SULF2: variants seen among roughly 807,000 people sequenced by gnomAD.
SULF2 encodes sulfatase 2.
Under a neutral mutation model 107.7 loss-of-function variants are expected in SULF2, and 52 were observed. The observed-to-expected ratio is 0.48, with a 90% CI of 0.39 to 0.61. The LOEUF (loss-of-function observed/expected upper bound fraction) is 0.61, where lower values mean the gene tolerates loss of function less well. Among genes scored for constraint, SULF2 ranks in the 20% least tolerant of loss-of-function variants. The pLI, the probability that SULF2 is intolerant of heterozygous loss-of-function variation, is 0.00. For synonymous variants in SULF2, 460 were observed against 464.3 expected, an observed-to-expected ratio of 0.99 and a Z score of 0.12; for missense variants, 993 against 1,177.3, an observed-to-expected ratio of 0.84 and a Z score of 2.29.
At chr20:47,701,112 G>C (rs1301823687) in intron 4 of SULF2, among the ~76,000 whole-genome samples, 2 of 152,202 alleles carry the variant, frequency 1.3e-5, no homozygotes, top group Admixed American at 1.3e-4. Context: ...ATGAGTTGTT[G>C]AATGAATAAA....
At position 47,658,301 on chromosome 20, in the gene SULF2, T is replaced by G; in HGVS notation, c.*61A>C. Reference sequence around the variant, plus strand: ...CTGCTGGAAATCACCCACATGGTTTTTCATTGCCTGTGCAGTCAGGTGATG... The same window carrying G: ...CTGCTGGAAATCACCCACATGGTTTGTCATTGCCTGTGCAGTCAGGTGATG... On this transcript the variant is annotated 3_prime_UTR_variant, in exon 21 of 21. Coordinates refer to ENST00000688720, the MANE Select transcript of SULF2 (RefSeq NM_001387048.1). 6.3e-7 allele frequency: 1 copy of G among 1,583,458 alleles called. No homozygotes were observed. Among genetic ancestry groups the G allele is most frequent in the South Asian group, 1.1e-5 (1 of 90,456 alleles).
chr20:47,726,670 C>T (rs2089451826), intron 3 of SULF2, among the ~76,000 whole-genome samples: 1 of 152,202 alleles, frequency 6.6e-6, no homozygotes, highest in Admixed American at 6.5e-5. Context: ...TTAAATAGCT[C>T]CCTGTGGCTA....
At chr20:47,668,300 A>G (rs1404921603) in intron 11 of SULF2, among the ~76,000 whole-genome samples, 1 of 152,252 alleles carries the variant, frequency 6.6e-6, no homozygotes, top group Admixed American at 6.5e-5. Flanking sequence ...CACTGGGTAC[A>G]GCTGCTCGCA....
chr20:47,676,143 C>G (rs1360673673), intron 10 of SULF2, among the ~76,000 whole-genome samples: 1 of 152,186 alleles, frequency 6.6e-6, no homozygotes, highest in Non-Finnish European at 1.5e-5. Flanking sequence ...AAACCAGTCA[C>G]AAAGAGGATA....
intron 1 of SULF2, among the ~76,000 whole-genome samples, chr20:47,782,687 G>A (rs1416470775): frequency 6.6e-6 from 1 of 152,174 alleles, no homozygotes; most frequent in Non-Finnish European, 1.5e-5. Context: ...TTTTCCATCA[G>A]CTGCATTTGA....
At chr20:47,728,113 G>A (rs1311508168) in intron 3 of SULF2, among the ~76,000 whole-genome samples, 2 of 152,160 alleles carry the variant, frequency 1.3e-5, no homozygotes, top group East Asian at 1.9e-4. Flanking sequence ...TACACTCCAC[G>A]GGGTGAATGG....
At chr20:47,725,611 A>G (rs983372901) in intron 3 of SULF2, among the ~76,000 whole-genome samples, 5 of 152,338 alleles carry the variant, frequency 3.3e-5, no homozygotes, top group African/African-American at 9.6e-5. Context: ...TGGCCTGCAG[A>G]CCAATCCATC....
chr20:47,785,808 G>C (rs1457718047), upstream of SULF2: 1 of 150,508 alleles, frequency 6.6e-6, no homozygotes, highest in Non-Finnish European at 1.5e-5. Context: ...TGCCCTCCTC[G>C]AGCCCTCCGC....
rs1475013023 is a variant in SULF2 at position 47,751,077 on chromosome 20, C to T, written c.175+6112G>A. 2.6e-5 allele frequency among the ~76,000 whole-genome samples: 4 copies of T among 152,156 alleles called. No homozygotes were observed. The East Asian group carries it at 7.7e-4, about 29-fold the overall frequency. On this transcript the variant is annotated intron_variant, in intron 2 of 20. Coordinates refer to ENST00000688720, the MANE Select transcript of SULF2 (RefSeq NM_001387048.1). Reference sequence around the variant, plus strand: ...ATAGATTCGATGTGTCTTGTTAACTCTTGCATTAGAATGTAAGCTCTGTTT... The same window carrying T: ...ATAGATTCGATGTGTCTTGTTAACTTTTGCATTAGAATGTAAGCTCTGTTT...
chr20:47,761,144 G>A (rs1479082765), intron 1 of SULF2, among the ~76,000 whole-genome samples: 9 of 152,186 alleles, frequency 5.9e-5, no homozygotes, highest in Non-Finnish European at 1.0e-4. Context: ...CGCTGCAGCT[G>A]TCCTGCGTCA....
chr20:47,770,053 GTTTTT>G (rs56786760), intron 1 of SULF2, among the ~76,000 whole-genome samples: 2,839 of 63,158 alleles, frequency 0.045, 136 homozygotes, highest in African/African-American at 0.18. Flanking sequence ...ATCTGGTGTA[GTTTTT>G]TTTTTTTTTT....
intron 11 of SULF2, among the ~76,000 whole-genome samples, chr20:47,669,514 C>T (rs573954547): frequency 1.8e-4 from 27 of 152,372 alleles, no homozygotes; most frequent in Non-Finnish European, 3.5e-4. Flanking sequence ...TGCCAAGTGT[C>T]CCCTGGGGGA....
rs748134604 is a variant in SULF2, at chr20:47,757,346, G to A, written c.18C>T (p.Leu6=). Residue 6 remains leucine (L), a synonymous_variant, in exon 2 of 21, where the codon CTC becomes CTT. Coordinates refer to ENST00000688720, the MANE Select transcript of SULF2 (RefSeq NM_001387048.1). Reference sequence around the variant, plus strand: ...CAGTTGCGGACAGCAAGCACAGCACGAGGCTCGGGGGGCCCATCTTCTTTT... The same window carrying A: ...CAGTTGCGGACAGCAAGCACAGCACAAGGCTCGGGGGGCCCATCTTCTTTT... MGPPS[L]VLCLLSATVF... 5.0e-6 allele frequency: 8 copies of A among 1,594,252 alleles called. No homozygotes were observed. The highest frequency in any genetic ancestry group is 2.3e-5 in the East Asian group (1 of 44,256).
At position 47,753,101 on chromosome 20, in the gene SULF2, A is replaced by AC. The variant is rs1300602947; in HGVS notation, c.175+4087_175+4088insG. 8.2e-3 allele frequency among the ~76,000 whole-genome samples: 495 copies of AC among 60,608 alleles called. 2 individuals carry two copies. Among genetic ancestry groups the AC allele is most frequent in the African/African-American group, 0.018 (464 of 25,222 alleles). 39.8% of individuals were successfully genotyped at this position (60,608 alleles called of 152,430 possible). ...GGGTGACAGAGTGAGACTCTCTCAA[A>AC]AAAAAAAAAAAAAAAAAAGAAAGAA... is the stretch of plus-strand genomic sequence containing the variant. On this transcript the variant is annotated intron_variant, in intron 2 of 20. Transcript: ENST00000688720.
intron 18 of SULF2, 179 bp downstream of exon 18, chr20:47,661,594 A>G (rs2087068921): frequency 4.1e-6 from 2 of 484,956 alleles, no homozygotes; most frequent in Non-Finnish European, 7.0e-6. Flanking sequence ...CTCAGGAATC[A>G]CAGCTTGTTA....
chr20:47,665,118 G>C (rs2087217095), intron 14 of SULF2, 81 bp downstream of exon 14: 3 of 881,274 alleles, frequency 3.4e-6, no homozygotes, highest in Admixed American at 2.0e-5. Context: ...AAAATGAAAG[G>C]GGTCAATCAC....
At chr20:47,771,778 G>T (rs2090635493) in intron 1 of SULF2, among the ~76,000 whole-genome samples, 2 of 152,310 alleles carry the variant, frequency 1.3e-5, no homozygotes, top group Admixed American at 1.3e-4. Flanking sequence ...GGGCTCCGGG[G>T]CCAAGCTTGG....
intron 7 of SULF2, among the ~76,000 whole-genome samples, chr20:47,682,053 C>T (rs556700068): frequency 6.6e-5 from 10 of 152,124 alleles, no homozygotes; most frequent in East Asian, 1.9e-4. Context: ...TGTGGACTGT[C>T]GTTATTACAG....
At chr20:47,706,214 T>G (rs1290757327) in intron 3 of SULF2, among the ~76,000 whole-genome samples, 2 of 152,158 alleles carry the variant, frequency 1.3e-5, no homozygotes, top group Non-Finnish European at 2.9e-5. Context: ...AGACCAAGTG[T>G]AGTTCAGGAA....
Sources: gnomAD v4.1 joint callset for allele counts (sites outside exome capture counted in the v4.1 genomes callset) on GRCh38, gnomAD v4.1.1 for gene constraint, MANE v1.5 for transcripts, NCBI Gene and HGNC (gene_info 2026-07-23, HGNC 2026-07-21) for gene names.